The following CSAG1 variants were observed in gnomAD, a reference collection of about 807,000 sequenced individuals.
The protein encoded by CSAG1 is chondrosarcoma associated gene 1, also known as chondrosarcoma-associated gene 1 protein.
Under a neutral mutation model 4.8 loss-of-function variants are expected in CSAG1, and 4 were observed. The observed-to-expected ratio is 0.83, with a 90% confidence interval of 0.41 to 1.90. The LOEUF is 1.90. Among genes scored for constraint, CSAG1 ranks in the 40% most tolerant of loss-of-function variants. The pLI, the probability that CSAG1 is intolerant of heterozygous loss-of-function variation, is 0.03. For missense variants in CSAG1, 69 were observed against 59.5 expected (o/e 1.16, Z -0.53); for synonymous variants, 21 against 23.1 (o/e 0.91, Z 0.26).
chrX:152,732,401 A>G (rs1276250847), intron 2 of CSAG1, 44 bp downstream of exon 2: 5 of 1,189,860 alleles, frequency 4.2e-6, no homozygotes, highest in South Asian at 1.9e-5. Flanking sequence ...CAACAGTGTA[A>G]AAATGTAAAC....
At chrX:152,731,769 G>C (rs1489799499) in intron 2 of CSAG1, among the ~76,000 whole-genome samples, 2 of 110,702 alleles carry the variant, frequency 1.8e-5, no homozygotes, top group Non-Finnish European at 3.8e-5. Context: ...CATACAAAAT[G>C]GAGGAGAAAA....
chrX:152,728,348 C>T, intron 2 of CSAG1, 124 bp from the exon 3 acceptor site: 2 of 697,439 alleles, frequency 2.9e-6, no homozygotes, highest in South Asian at 2.3e-5. Context: ...AGTTAAATTG[C>T]TTTACTTAAA....
intron 2 of CSAG1, 71 bp from the exon 3 acceptor site, chrX:152,728,295 T>A: frequency 9.6e-7 from 1 of 1,041,549 alleles, no homozygotes; most frequent in Non-Finnish European, 1.3e-6. Flanking sequence ...CTTGGTCTTT[T>A]AACACCTTCA....
intron 2 of CSAG1, among the ~76,000 whole-genome samples, chrX:152,731,161 C>A (rs1385531538): frequency 8.9e-6 from 1 of 111,784 alleles, no homozygotes; most frequent in East Asian, 2.8e-4. Flanking sequence ...CTGGAACCAG[C>A]TTTGCTGTGT....
At chrX:152,728,781 G>A (rs1224805373) in intron 2 of CSAG1, among the ~76,000 whole-genome samples, 1 of 110,012 alleles carries the variant, frequency 9.1e-6, no homozygotes, top group Non-Finnish European at 1.9e-5. Flanking sequence ...GTCCATTCTT[G>A]GCCCTTCCTC....
intron 1 of CSAG1, 93 bp from the exon 2 acceptor site, chrX:152,732,597 A>G: frequency 1.9e-6 from 2 of 1,044,868 alleles, no homozygotes; most frequent in Non-Finnish European, 2.6e-6. Flanking sequence ...GGTGAGACTG[A>G]AGACCTTGTT....
At position 152,728,129 on chromosome X, in the gene CSAG1, T is replaced by C; in HGVS notation, c.112A>G (p.Arg38Gly). The C allele has an allele frequency of 1.7e-6, 2 of 1,211,373 alleles. No individual in the cohort carries two copies. Among genetic ancestry groups the C allele is most frequent in the Non-Finnish European group, 2.2e-6 (2 of 895,265 alleles). Residue 38 changes from arginine to glycine, a missense_variant, in exon 3 of 4, where the codon AGG becomes GGG. By Grantham distance (125) the Arg-to-Gly change is moderately radical. Transcript: ENST00000452779. The part of the protein sequence containing the change: ...YRDTGLVKMS[R>G]KPRASSPFSN... Reference sequence around the variant, plus strand: ...AATGGGCTGGAGGCTCGTGGTTTCCTGGACATCTTCACCAGACCAGTGTCT... The same window carrying C: ...AATGGGCTGGAGGCTCGTGGTTTCCCGGACATCTTCACCAGACCAGTGTCT...
At chrX:152,732,218 A>G (rs189357639) in intron 2 of CSAG1, among the ~76,000 whole-genome samples, 11 of 112,752 alleles carry the variant, frequency 9.8e-5, no homozygotes, top group African/African-American at 2.9e-4. Context: ...TACAGCAATT[A>G]ATAGACAATA....
chrX:152,732,610 G>C lies in CSAG1; in HGVS notation c.-44-106C>G, dbSNP rs140066064. 4,945 of 971,492 alleles carry C rather than the reference G, an allele frequency of 5.1e-3. 28 individuals are homozygous for C. Among genetic ancestry groups the C allele is most frequent in the African/African-American group, 0.027 (1,431 of 52,461 alleles). 80.1% of individuals were successfully genotyped at this position (971,492 alleles called of 1,213,427 possible). On this transcript the variant is annotated intron_variant, in intron 1 of 3. Transcript: ENST00000452779. The stretch of plus-strand genomic sequence containing the variant: ...AGGGTGAGACTGAAGACCTTGTTGA[G>C]CTGGTACTTGTGTGTGACACTTGCC...
Position 152,733,650 on chromosome X carries a change from C to G in CSAG1, c.-45+18G>C, listed in dbSNP as rs1932216643. On this transcript the variant is annotated intron_variant, in intron 1 of 3. Coordinates refer to ENST00000452779, the MANE Select transcript of CSAG1 (RefSeq NM_001102576.3). Reference sequence around the variant, plus strand: ...TCCCTATCCCTACCCCTACCCCCAACACCATCTTCATGCTTACCTCCACCT... The same window carrying G: ...TCCCTATCCCTACCCCTACCCCCAAGACCATCTTCATGCTTACCTCCACCT... 1 of 104,379 alleles carries G rather than the reference C, an allele frequency of 9.6e-6. No homozygotes were observed. Among genetic ancestry groups the G allele is most frequent in the Non-Finnish European group, 2.0e-5 (1 of 51,138 alleles). The allele number at this position is 104,379 out of a possible 1,213,427, so 8.6% of individuals were successfully genotyped here.
rs1220407757 is a variant in CSAG1 at position 152,730,009 on chromosome X, T to TATATATATATATATATATATATATAC, written c.17-1786_17-1785insGTATATATATATATATATATATATAT. Reference sequence around the variant, plus strand: ...TGAATGGATTATATATATATATATATACACACATACACACACACACGCATT... The same window carrying TATATATATATATATATATATATATAC: ...TGAATGGATTATATATATATATATATATATATATATATATATATATATATACACACACATACACACACACACGCATT... On this transcript the variant is annotated intron_variant, in intron 2 of 3. Transcript: ENST00000452779. 7.8e-4 allele frequency among the ~76,000 whole-genome samples: 43 copies of TATATATATATATATATATATATATAC among 54,991 alleles called. 1 individual carries two copies. Among genetic ancestry groups the TATATATATATATATATATATATATAC allele is most frequent in the African/African-American group, 2.4e-3 (41 of 17,087 alleles). The allele number at this position is 54,991 out of a possible 115,157, so 47.8% of individuals were successfully genotyped here.
In CSAG1 at chrX:152,728,188, C is replaced by G. The variant is rs1556830818; in HGVS notation, c.53G>C (p.Arg18Pro). 41 of 1,209,446 alleles carry G rather than the reference C, an allele frequency of 3.4e-5. No homozygotes were observed. The highest frequency in any genetic ancestry group is 4.5e-5 in the Non-Finnish European group (40 of 894,888). Residue 18 changes from arginine (R) to proline (P), a missense_variant, in exon 3 of 4, where the codon CGG becomes CCG. Transcript: ENST00000452779. ...WPAFTVLGEA[R>P]GDQVDWSRLY... ...TCTACTCCAGTCCACCTGGTCTCCCCGAGCTTCCCCCAGGACAGTGAAGGC... is the reference window on the plus strand; with the variant it reads ...TCTACTCCAGTCCACCTGGTCTCCCGGAGCTTCCCCCAGGACAGTGAAGGC...
chrX:152,730,648 T>C (rs1216739734), intron 2 of CSAG1, among the ~76,000 whole-genome samples: 2 of 108,052 alleles, frequency 1.9e-5, no homozygotes, highest in African/African-American at 3.4e-5. Context: ...TTGTGTTGTT[T>C]ATAAGCCACC....
At chrX:152,729,927 C>G (rs1276618784) in intron 2 of CSAG1, among the ~76,000 whole-genome samples, 12 of 103,765 alleles carry the variant, frequency 1.2e-4, no homozygotes, top group Middle Eastern at 5.0e-3. Context: ...TGAATGTATA[C>G]AATAGCTTAT....
At chrX:152,731,114 A>T (rs782815915) in intron 2 of CSAG1, among the ~76,000 whole-genome samples, 1 of 112,135 alleles carries the variant, frequency 8.9e-6, no homozygotes, top group South Asian at 3.7e-4. Flanking sequence ...GCTCCACGTT[A>T]TTACAGAAGC....
At position 152,727,644 on chromosome X, in the gene CSAG1, G is replaced by A; in HGVS notation, c.*150C>T. The A allele has an allele frequency of 5.8e-6, 4 of 691,986 alleles. No individual in the cohort carries two copies. Among genetic ancestry groups the A allele is most frequent in the Non-Finnish European group, 9.2e-6 (4 of 435,564 alleles). 57.0% of individuals were successfully genotyped at this position (691,986 alleles called of 1,213,427 possible). A position where few individuals can be genotyped will look rare whatever the true frequency, so the allele number is the denominator to read the frequency against. The stretch of plus-strand genomic sequence containing the variant: ...TGGCCTTGCCTGGGAATTACTGGCT[G>A]CCCAAGGAAGCACTGGAGAAGGCGG... On this transcript the variant is annotated 3_prime_UTR_variant, in exon 4 of 4. Coordinates refer to ENST00000452779, the MANE Select transcript of CSAG1 (RefSeq NM_001102576.3).
At chrX:152,731,450 T>C (rs1324272555) in intron 2 of CSAG1, among the ~76,000 whole-genome samples, 20 of 112,163 alleles carry the variant, frequency 1.8e-4, no homozygotes, top group Non-Finnish European at 3.8e-5. Context: ...GGTTAGGCAG[T>C]TTTGGAGGCC....
chrX:152,727,539 T>A lies in CSAG1; in HGVS notation c.*255A>T. Reference sequence around the variant, plus strand: ...TCACCATGGGGCATACCCTTTGGGGTGTAAAACGTACTCTACACCCTGTTG... The same window carrying A: ...TCACCATGGGGCATACCCTTTGGGGAGTAAAACGTACTCTACACCCTGTTG... On this transcript the variant is annotated 3_prime_UTR_variant, in exon 4 of 4. Coordinates refer to ENST00000452779, the MANE Select transcript of CSAG1 (RefSeq NM_001102576.3). 2.3e-6 allele frequency: 1 copy of A among 435,239 alleles called. No individual in the cohort carries two copies. The highest frequency in any genetic ancestry group is 3.4e-5 in the South Asian group (1 of 29,544). 35.9% of individuals were successfully genotyped at this position (435,239 alleles called of 1,213,427 possible). A position where few individuals can be genotyped will look rare whatever the true frequency, so the allele number is the denominator to read the frequency against.
At chrX:152,728,546 C>T (rs1196050503) in intron 2 of CSAG1, among the ~76,000 whole-genome samples, 1 of 107,740 alleles carries the variant, frequency 9.3e-6, no homozygotes, top group East Asian at 2.8e-4. Context: ...GCCAAAATTA[C>T]GGGCTTTTTT....
Sources: allele counts gnomAD v4.1 joint callset (sites outside exome capture counted in the v4.1 genomes callset), GRCh38; gene constraint gnomAD v4.1.1; transcripts MANE v1.5; gene names NCBI Gene and HGNC (gene_info 2026-07-23, HGNC 2026-07-21).